Variants in CTXND1 observed in about 807,000 individuals in gnomAD.
CTXND1 encodes the protein cortexin domain-containing 1 protein.
intron 1 of CTXND1, among the ~76,000 whole-genome samples, chr15:80,208,864 C>A (rs959839100): frequency 6.6e-6 from 1 of 152,194 alleles, no homozygotes; most frequent in Non-Finnish European, 1.5e-5. Context: ...TTTCCGACCC[C>A]ATGCCTGTGC....
At chr15:80,236,667 T>C (rs1595909450) in intron 1 of CTXND1, among the ~76,000 whole-genome samples, 1 of 151,920 alleles carries the variant, frequency 6.6e-6, no homozygotes, top group Non-Finnish European at 1.5e-5. Context: ...CCTGTAGTCC[T>C]AGCTACTTGG....
rs372957678 is a variant in CTXND1, at chr15:80,223,142, G to A, written c.-217-19402C>T. ...TGCCCAGGCTGGAATCCAATGGCGC[G>A]CTCTCGGCCCACCTCAACCTCCGCC... On this transcript the variant is annotated intron_variant, in intron 1 of 2. Coordinates refer to ENST00000560778, the MANE Select transcript of CTXND1 (RefSeq NM_001352888.2). Among the ~76,000 whole-genome samples the A allele has an allele frequency of 1.1e-4, 17 of 152,144 alleles. No homozygotes were observed. The East Asian group carries it at 2.7e-3, about 24-fold the overall frequency.
chr15:80,218,586 T>C (rs1327511310), intron 1 of CTXND1, among the ~76,000 whole-genome samples: 2 of 152,066 alleles, frequency 1.3e-5, no homozygotes, highest in African/African-American at 4.8e-5. Flanking sequence ...TGAATTGTTT[T>C]CTTATTATTT....
rs560201054 is a variant in CTXND1 at position 80,236,348 on chromosome 15, G to T, written c.-218+15659C>A. 3.0e-4 allele frequency among the ~76,000 whole-genome samples: 45 copies of T among 152,256 alleles called. No homozygotes were observed. The East Asian group carries it at 7.9e-3, about 27-fold the overall frequency. On this transcript the variant is annotated intron_variant, in intron 1 of 2. Transcript: ENST00000560778. ...TACAGTTCTATGGGAACACAGCAGTGCCTGTTCATTTACACACTGTCTATG... is the reference window on the plus strand; with the variant it reads ...TACAGTTCTATGGGAACACAGCAGTTCCTGTTCATTTACACACTGTCTATG...
At chr15:80,202,356 C>A (rs1275653729) in intron 2 of CTXND1, among the ~76,000 whole-genome samples, 1 of 152,124 alleles carries the variant, frequency 6.6e-6, no homozygotes, top group Non-Finnish European at 1.5e-5. Flanking sequence ...CTCCATGAAA[C>A]CCTTTAGAAA....
At chr15:80,226,508 C>G (rs776430157) in intron 1 of CTXND1, among the ~76,000 whole-genome samples, 1 of 152,208 alleles carries the variant, frequency 6.6e-6, no homozygotes, top group Non-Finnish European at 1.5e-5. Context: ...AACAAATGCT[C>G]TGCCTCATTT....
At chr15:80,211,026 A>T (rs1893198670) in intron 1 of CTXND1, among the ~76,000 whole-genome samples, 1 of 152,180 alleles carries the variant, frequency 6.6e-6, no homozygotes, top group Non-Finnish European at 1.5e-5. Context: ...CGGGGGTTAG[A>T]GGTTCATGAG....
chr15:80,216,754 ACAGGG>A (rs1893258644), intron 1 of CTXND1, among the ~76,000 whole-genome samples: 1 of 152,218 alleles, frequency 6.6e-6, no homozygotes, highest in East Asian at 1.9e-4. Flanking sequence ...AGCTGGGACT[ACAGGG>A]GCACGCCACC....
Position 80,222,748 on chromosome 15 carries a change from T to A in CTXND1, c.-217-19008A>T, listed in dbSNP as rs141703775. Among the ~76,000 whole-genome samples the A allele has an allele frequency of 3.2e-3, 493 of 152,326 alleles. 4 individuals carry two copies. The highest frequency in any genetic ancestry group is 0.011 in the African/African-American group (467 of 41,582). On this transcript the variant is annotated intron_variant, in intron 1 of 2. Coordinates refer to ENST00000560778, the MANE Select transcript of CTXND1 (RefSeq NM_001352888.2). Reference sequence around the variant, plus strand: ...TTTTATTGTTGTTCTATAATGCTTTTTATTTTTTACTGCATCTTTTTTAAA... The same window carrying A: ...TTTTATTGTTGTTCTATAATGCTTTATATTTTTTACTGCATCTTTTTTAAA...
intron 1 of CTXND1, among the ~76,000 whole-genome samples, chr15:80,208,217 G>A (rs1893170260): frequency 6.6e-6 from 1 of 152,188 alleles, no homozygotes; most frequent in Non-Finnish European, 1.5e-5. Flanking sequence ...TGGTATATCT[G>A]TGTCATGGAA....
At chr15:80,205,243 G>A (rs1365214742) in intron 1 of CTXND1, among the ~76,000 whole-genome samples, 7 of 152,020 alleles carry the variant, frequency 4.6e-5, no homozygotes, top group South Asian at 2.1e-4. Context: ...AAATTCAACC[G>A]TTCTTCTATC....
chr15:80,214,990 T>C (rs374044435), intron 1 of CTXND1, among the ~76,000 whole-genome samples: 33 of 152,356 alleles, frequency 2.2e-4, no homozygotes, highest in African/African-American at 7.5e-4. Flanking sequence ...GGCAGTACTA[T>C]GAAAACTCTG....
At chr15:80,241,539 TGTAA>T (rs1893567066) in intron 1 of CTXND1, among the ~76,000 whole-genome samples, 2 of 152,174 alleles carry the variant, frequency 1.3e-5, no homozygotes, top group South Asian at 4.1e-4. Flanking sequence ...TGCTCAGACA[TGTAA>T]GGGCTTCAGC....
chr15:80,252,064 GGGCGACCGCGGATCGCC>G lies in CTXND1; in HGVS notation c.-292_-276del, dbSNP rs1198981736. 1.3e-5 allele frequency: 2 copies of G among 151,630 alleles called. No homozygotes were observed. The highest frequency in any genetic ancestry group is 4.8e-5 in the African/African-American group (2 of 41,392). 9.4% of individuals were successfully genotyped at this position (151,630 alleles called of 1,614,324 possible). A position where few individuals can be genotyped will look rare whatever the true frequency, so the allele number is the denominator to read the frequency against. On this transcript the variant is annotated 5_prime_UTR_variant, in exon 1 of 3. Transcript: ENST00000560778. ...CCTGGCTGGGCCGGCGCCGAGCCCA[GGGCGACCGCGGATCGCC>G]GGCTACGGCGTTTCCCGGTGACGGG...
At chr15:80,241,267 C>T (rs1025521354) in intron 1 of CTXND1, among the ~76,000 whole-genome samples, 36 of 152,198 alleles carry the variant, frequency 2.4e-4, no homozygotes, top group Admixed American at 7.9e-4. Flanking sequence ...AAAAGGGGCC[C>T]TGCAGCACCA....
Position 80,200,557 on chromosome 15 carries a change from C to T in CTXND1, c.*1213G>A, listed in dbSNP as rs2041443607. On this transcript the variant is annotated 3_prime_UTR_variant, in exon 3 of 3. Coordinates refer to ENST00000560778, the MANE Select transcript of CTXND1 (RefSeq NM_001352888.2). ...TCATCGATGACTTCTTCCTTGCCCC[C>T]CAACTCCGACTATAGCACATTCATA... The T allele has an allele frequency of 6.6e-6, 1 of 152,176 alleles. No individual in the cohort carries two copies. The highest frequency in any genetic ancestry group is 6.5e-5 in the Admixed American group (1 of 15,286). The allele number at this position is 152,176 out of a possible 1,614,324, so 9.4% of individuals were successfully genotyped here. A position where few individuals can be genotyped will look rare whatever the true frequency, so the allele number is the denominator to read the frequency against.
At chr15:80,232,540 T>C (rs990806259) in intron 1 of CTXND1, among the ~76,000 whole-genome samples, 10 of 152,214 alleles carry the variant, frequency 6.6e-5, no homozygotes, top group African/African-American at 2.4e-4. Flanking sequence ...TGGAACACCA[T>C]GCATGAGCAG....
chr15:80,207,810 A>G (rs1298920553), intron 1 of CTXND1, among the ~76,000 whole-genome samples: 1 of 152,196 alleles, frequency 6.6e-6, no homozygotes, highest in African/African-American at 2.4e-5. Context: ...TTGGTTTGAC[A>G]ATATTCCTAG....
At chr15:80,213,658 A>G (rs1303365864) in intron 1 of CTXND1, among the ~76,000 whole-genome samples, 1 of 152,234 alleles carries the variant, frequency 6.6e-6, no homozygotes, top group Non-Finnish European at 1.5e-5. Context: ...GTAAAGAGAA[A>G]GAAACAACAG....
Sources: allele counts gnomAD v4.1 joint callset (sites outside exome capture counted in the v4.1 genomes callset), GRCh38; gene constraint gnomAD v4.1.1; transcripts MANE v1.5; gene names NCBI Gene and HGNC (gene_info 2026-07-23, HGNC 2026-07-21).